The following DYNC2LI1 variants were observed in gnomAD, a reference collection of about 807,000 sequenced individuals.
DYNC2LI1 encodes the protein cytoplasmic dynein 2 light intermediate chain 1.
A neutral mutation model predicts 51.9 loss-of-function variants in DYNC2LI1; 45 were observed. The ratio of observed to expected loss-of-function variants is 0.87; its 90% CI spans 0.68 to 1.11. The LOEUF is 1.11. Ranked by LOEUF, DYNC2LI1 falls within the 50% of genes most tolerant of loss-of-function variation. DYNC2LI1 has a pLI of 0.00. For missense variants in DYNC2LI1, 490 were observed against 417.4 expected (o/e 1.17, Z -1.51); for synonymous variants, 130 against 137.8 (o/e 0.94, Z 0.40).
chr2:43,806,369 G>A (rs1666256179), intron 12 of DYNC2LI1, among the ~76,000 whole-genome samples: 1 of 152,210 alleles, frequency 6.6e-6, no homozygotes, highest in African/African-American at 2.4e-5. Flanking sequence ...TGTCAGCTGG[G>A]AGTAGGAGCC....
chr2:43,817,013 A>T, the DYNC2LI1 span, among the ~76,000 whole-genome samples: 3 of 152,330 alleles, frequency 2.0e-5, no homozygotes, highest in Non-Finnish European at 4.4e-5. Flanking sequence ...TTCACCCAGA[A>T]AGATGATGAC....
At chr2:43,823,808 A>G in the DYNC2LI1 span, 7 of 1,336,236 alleles carry the variant, frequency 5.2e-6, no homozygotes, top group Non-Finnish European at 6.1e-6. Flanking sequence ...GGCTGGGTTT[A>G]GCTCAGAGAA....
chr2:43,795,891 A>C lies in DYNC2LI1; in HGVS notation c.509A>C (p.Asp170Ala). 1 of 1,610,902 alleles carries C rather than the reference A, an allele frequency of 6.2e-7. No homozygotes were observed. Among genetic ancestry groups the C allele is most frequent in the East Asian group, 2.2e-5 (1 of 44,814 alleles). The change falls in exon 7 of 13, where the codon GAT becomes GCT. Residue 170 changes from aspartate to alanine, a missense_variant and splice_region_variant. Transcript: ENST00000260605. The part of the protein sequence containing the change: ...IWNNMPKDHP[D>A]HELIDPFPVP... ...TCAAGGAAATATGTTTATTAGCAGG[A>C]TCATGAATTAATTGACCCATTTCCG...
At chr2:43,794,019 A>G (rs1673916711) in intron 5 of DYNC2LI1, 1 of 157,704 alleles carries the variant, frequency 6.3e-6, no homozygotes, top group Admixed American at 6.2e-5. Context: ...TATTGTGGAG[A>G]TTAACTAGGT....
At chr2:43,826,284 G>A in the DYNC2LI1 span, 4 of 1,566,836 alleles carry the variant, frequency 2.6e-6, no homozygotes, top group Non-Finnish European at 1.7e-6. Flanking sequence ...ACAAGTGTGA[G>A]CCACTGTGCC....
At position 43,787,097 on chromosome 2, in the gene DYNC2LI1, G is replaced by T. The variant is rs576911724; in HGVS notation, c.162-84G>T. The stretch of plus-strand genomic sequence containing the variant: ...TCTCTACTAATAAAGTTTTCAAGAG[G>T]AAGGAAAAATGAATCAGGTAAGGTG... On this transcript the variant is annotated intron_variant, in intron 3 of 12. Coordinates refer to ENST00000260605, the MANE Select transcript of DYNC2LI1 (RefSeq NM_016008.4). The T allele has an allele frequency of 3.6e-6, 4 of 1,099,836 alleles. No homozygotes were observed. The South Asian group carries it at 5.8e-5, about 16-fold the overall frequency. 68.1% of individuals were successfully genotyped at this position (1,099,836 alleles called of 1,614,324 possible).
chr2:43,824,932 G>T, the DYNC2LI1 span: 4 of 1,613,872 alleles, frequency 2.5e-6, no homozygotes, highest in South Asian at 2.2e-5. Context: ...AAGGGTAACC[G>T]CAGTCATTGA....
chr2:43,792,725 C>G, intron 5 of DYNC2LI1: 2 of 1,548,626 alleles, frequency 1.3e-6, no homozygotes, highest in South Asian at 1.2e-5. Context: ...TTTGACCACT[C>G]CAGTACCTCA....
At chr2:43,787,865 T>G (rs1365953201) in intron 4 of DYNC2LI1, among the ~76,000 whole-genome samples, 1 of 152,186 alleles carries the variant, frequency 6.6e-6, no homozygotes, top group African/African-American at 2.4e-5. Context: ...CAATCTAGAA[T>G]GGAGCATCCC....
rs1488416035 is a variant in DYNC2LI1 at position 43,805,246 on chromosome 2, G to C, written c.993G>C (p.Leu331=). Residue 331 remains leucine (L), a splice_region_variant and synonymous_variant, in exon 12 of 13, where the codon CTG becomes CTC. Coordinates refer to ENST00000260605, the MANE Select transcript of DYNC2LI1 (RefSeq NM_016008.4). ...ATGAGATGAGAATTCAGAAGGATCT[G>C]GTATTATCCTAAACATTTACTTAAT... ...EVDEMRIQKD[L]ELEQYKRSSS... 4 of 1,586,976 alleles carry C rather than the reference G, an allele frequency of 2.5e-6. No individual in the cohort carries two copies. The East Asian group carries it at 9.0e-5, about 36-fold the overall frequency.
the DYNC2LI1 span, chr2:43,824,778 C>T: frequency 1.3e-6 from 2 of 1,539,810 alleles, no homozygotes; most frequent in South Asian, 2.4e-5. Flanking sequence ...GTATAAAACA[C>T]AAAAACAAAA....
chr2:43,778,960 A>G (rs957776283), intron 2 of DYNC2LI1, among the ~76,000 whole-genome samples: 1 of 152,190 alleles, frequency 6.6e-6, no homozygotes, highest in Non-Finnish European at 1.5e-5. Flanking sequence ...TATTCTTTAA[A>G]AAGTCTGTGA....
At chr2:43,805,103 AT>A (rs1342629680) in intron 11 of DYNC2LI1, 50 bp from the exon 12 acceptor site, 1 of 1,194,298 alleles carries the variant, frequency 8.4e-7, no homozygotes, top group Non-Finnish European at 1.2e-6. Context: ...GATGGTAGCC[AT>A]TGAATTTTGG....
downstream of DYNC2LI1, chr2:43,810,563 T>A: frequency 1.0e-6 from 1 of 959,866 alleles, no homozygotes; most frequent in Non-Finnish European, 1.2e-6. Flanking sequence ...ATTTATTCTA[T>A]GTTCTTCCAT....
At chr2:43,790,008 A>G (rs2104686255) in intron 5 of DYNC2LI1, among the ~76,000 whole-genome samples, 1 of 152,374 alleles carries the variant, frequency 6.6e-6, no homozygotes, top group Admixed American at 6.5e-5. Flanking sequence ...TGGGCAGTGA[A>G]TTCATTTTGT....
At chr2:43,810,262 G>T (rs1666436240), downstream of DYNC2LI1, 2 of 702,396 alleles carry the variant, frequency 2.8e-6, no homozygotes, top group East Asian at 1.3e-4. Context: ...ACATTCCCAG[G>T]TCCCCACACC....
At chr2:43,792,730 A>G (rs1319933908) in intron 5 of DYNC2LI1, 6 of 1,548,262 alleles carry the variant, frequency 3.9e-6, no homozygotes, top group Non-Finnish European at 5.2e-6. Flanking sequence ...CCACTCCAGT[A>G]CCTCATATAA....
the DYNC2LI1 span, among the ~76,000 whole-genome samples, chr2:43,819,011 A>G: frequency 6.6e-6 from 1 of 152,190 alleles, no homozygotes; most frequent in Admixed American, 6.5e-5. Context: ...GACTTGAGCA[A>G]AGTCAAGTCT....
chr2:43,804,847 T>A (rs1160027354), intron 11 of DYNC2LI1, 108 bp downstream of exon 11: 10 of 643,410 alleles, frequency 1.6e-5, no homozygotes, highest in Non-Finnish European at 5.0e-6. Context: ...TCTTTTATGC[T>A]CAAAAATCAA....
Sources: gnomAD v4.1 joint callset for allele counts (sites outside exome capture counted in the v4.1 genomes callset) on GRCh38, gnomAD v4.1.1 for gene constraint, MANE v1.5 for transcripts, NCBI Gene and HGNC (gene_info 2026-07-23, HGNC 2026-07-21) for gene names.